Variants in MYLK4 observed in about 807,000 individuals in gnomAD.
MYLK4 encodes caMLCK like.
MYLK4 carries 46 observed loss-of-function variants against 48.1 expected under a neutral mutation model. That is an observed-to-expected ratio of 0.96 (90% CI 0.75 to 1.22). The LOEUF (loss-of-function observed/expected upper bound fraction) is 1.22, where lower values mean the gene tolerates loss of function less well. MYLK4 is among the 50% of genes most tolerant of loss of function. The probability of loss-of-function intolerance (pLI) is 0.00; values close to 1 mark genes in which losing one functional copy is unlikely to be tolerated. For missense variants in MYLK4, 451 were observed against 486.1 expected (o/e 0.93, Z 0.68); for synonymous variants, 170 against 180.8 (o/e 0.94, Z 0.48).
At chr6:2,712,625 C>G (rs146393294) in intron 2 of MYLK4, among the ~76,000 whole-genome samples, 1 of 152,142 alleles carries the variant, frequency 6.6e-6, no homozygotes, top group Non-Finnish European at 1.5e-5. Context: ...ACAAACAGAA[C>G]CTCCAACGAT....
chr6:2,747,426 T>A (rs374476709), intron 2 of MYLK4, among the ~76,000 whole-genome samples: 138 of 152,196 alleles, frequency 9.1e-4, no homozygotes, highest in African/African-American at 3.1e-3. Context: ...GCTCACTGCA[T>A]CCTTGAACTC....
chr6:2,766,076 G>C, the MYLK4 span: 6 of 1,297,430 alleles, frequency 4.6e-6, no homozygotes, highest in Non-Finnish European at 1.9e-6. Flanking sequence ...GGCGGGGAGC[G>C]CGTCTCCGCG....
intron 2 of MYLK4, among the ~76,000 whole-genome samples, chr6:2,696,637 T>A (rs1320984380): frequency 1.3e-5 from 2 of 152,270 alleles, no homozygotes; most frequent in Non-Finnish European, 2.9e-5. Context: ...CAGTCCAGAA[T>A]AATTTGCTAT....
the MYLK4 span, among the ~76,000 whole-genome samples, chr6:2,767,127 G>A: frequency 1.8e-4 from 27 of 152,122 alleles, no homozygotes; most frequent in Non-Finnish European, 3.4e-4. Context: ...GTGCATTTTG[G>A]TGTCCAGTTC....
At chr6:2,687,245 T>G (rs567688856) in intron 4 of MYLK4, among the ~76,000 whole-genome samples, 1 of 152,306 alleles carries the variant, frequency 6.6e-6, no homozygotes, top group East Asian at 1.9e-4. Flanking sequence ...TGCTACCACT[T>G]AAAAGGAGGT....
chr6:2,686,564 T>C (rs1239513215), intron 4 of MYLK4, among the ~76,000 whole-genome samples: 1 of 152,216 alleles, frequency 6.6e-6, no homozygotes, highest in Non-Finnish European at 1.5e-5. Context: ...ATGGTGGATG[T>C]CACAGTAGGG....
chr6:2,711,491 T>A (rs1762671982), intron 2 of MYLK4, among the ~76,000 whole-genome samples: 1 of 152,236 alleles, frequency 6.6e-6, no homozygotes, highest in Non-Finnish European at 1.5e-5. Context: ...TCATTAAATG[T>A]TCTTGCCTAT....
intron 2 of MYLK4, among the ~76,000 whole-genome samples, chr6:2,736,286 G>C (rs1019681256): frequency 6.6e-6 from 1 of 152,100 alleles, no homozygotes; most frequent in Non-Finnish European, 1.5e-5. Context: ...ATGGAGTCTC[G>C]CTCTGTCACC....
At chr6:2,678,486 C>T (rs969384783) in intron 9 of MYLK4, 114 bp from the exon 10 acceptor site, 1 of 1,144,028 alleles carries the variant, frequency 8.7e-7, no homozygotes, top group Non-Finnish European at 1.2e-6. Flanking sequence ...ATAACCTAAT[C>T]CTGAAGCATA....
chr6:2,704,949 GGAGCTAGAA>G (rs1762433147), intron 2 of MYLK4, among the ~76,000 whole-genome samples: 1 of 152,142 alleles, frequency 6.6e-6, no homozygotes, highest in African/African-American at 2.4e-5. Flanking sequence ...GGATGTCACA[GGAGCTAGAA>G]GAAAGCTTAG....
At chr6:2,694,539 T>TGG (rs1761968084) in intron 2 of MYLK4, among the ~76,000 whole-genome samples, 1 of 3,348 alleles carries the variant, frequency 3.0e-4, no homozygotes, top group Non-Finnish European at 6.0e-4. Context: ...GGTAGTAGTG[T>TGG]TGGTTGTGGT....
At chr6:2,762,592 A>G in the MYLK4 span, among the ~76,000 whole-genome samples, 1 of 152,240 alleles carries the variant, frequency 6.6e-6, no homozygotes, top group Non-Finnish European at 1.5e-5. Flanking sequence ...GATCAGCCCT[A>G]AAACTTGTTT....
At chr6:2,759,228 G>A in the MYLK4 span, among the ~76,000 whole-genome samples, 19 of 152,242 alleles carry the variant, frequency 1.2e-4, no homozygotes, top group East Asian at 2.5e-3. Context: ...TGATCCTCTC[G>A]AGTAGTGAGG....
chr6:2,685,055 G>A lies in MYLK4; in HGVS notation c.545+241C>T, dbSNP rs965520027. On this transcript the variant is annotated intron_variant, in intron 6 of 12. Transcript: ENST00000274643. The surrounding 1 kb of genome is among the most constrained non-coding windows in gnomAD (Gnocchi z 4.5). Reference sequence around the variant, plus strand: ...TTAAGCTTGATTTTTGACAAACAGCGTAGATACAAAGCTAGATCTACTTGG... The same window carrying A: ...TTAAGCTTGATTTTTGACAAACAGCATAGATACAAAGCTAGATCTACTTGG... 3.3e-5 allele frequency among the ~76,000 whole-genome samples: 5 copies of A among 152,290 alleles called. No homozygotes were observed. The highest frequency in any genetic ancestry group is 2.1e-4 in the South Asian group (1 of 4,830).
chr6:2,678,509 A>G, intron 9 of MYLK4, 137 bp from the exon 10 acceptor site: 2 of 975,646 alleles, frequency 2.0e-6, no homozygotes, highest in Non-Finnish European at 2.9e-6. Context: ...TTTATAACAT[A>G]TTATTGTAAT....
At chr6:2,686,295 C>A (rs1176847349) in intron 4 of MYLK4, among the ~76,000 whole-genome samples, 1 of 152,138 alleles carries the variant, frequency 6.6e-6, no homozygotes, top group East Asian at 1.9e-4. Flanking sequence ...GCTTTGCCAG[C>A]ATATGAACAA....
intron 2 of MYLK4, among the ~76,000 whole-genome samples, chr6:2,721,817 G>T (rs1204463555): frequency 6.6e-6 from 1 of 152,190 alleles, no homozygotes; most frequent in Non-Finnish European, 1.5e-5. Context: ...ACACACAAAA[G>T]ATCAGGATTC....
chr6:2,745,772 C>T (rs1023855065), intron 2 of MYLK4, among the ~76,000 whole-genome samples: 27 of 151,786 alleles, frequency 1.8e-4, no homozygotes, highest in African/African-American at 6.5e-4. Flanking sequence ...CAAAAAAATA[C>T]AGAAAGTAGC....
the MYLK4 span, chr6:2,766,321 T>C: frequency 6.2e-7 from 1 of 1,610,580 alleles, no homozygotes; most frequent in Non-Finnish European, 8.5e-7. Context: ...CGATGCGTCC[T>C]GACACGCTGC....
Sources: gnomAD v4.1 joint callset for allele counts (sites outside exome capture counted in the v4.1 genomes callset) on GRCh38, gnomAD v4.1.1 for gene constraint, Gnocchi (gnomAD v3.1) non-coding constraint, MANE v1.5 for transcripts, NCBI Gene and HGNC (gene_info 2026-07-23, HGNC 2026-07-21) for gene names.